The following VARS1 variants were observed in gnomAD, a reference collection of about 807,000 sequenced individuals.
VARS1 encodes the protein valine--tRNA ligase.
In VARS1, 92 loss-of-function variants were observed where a neutral mutation model predicts 161.0. The observed-to-expected ratio is 0.57, with a 90% confidence interval of 0.48 to 0.68. VARS1 has a LOEUF of 0.68. Among genes scored for constraint, VARS1 ranks in the 30% least tolerant of loss-of-function variants. The probability of loss-of-function intolerance (pLI) is 0.00; values close to 1 mark genes in which losing one functional copy is unlikely to be tolerated. For synonymous variants in VARS1, 595 were observed against 682.5 expected (o/e 0.87, Z 2.00); for missense variants, 1,338 against 1,695.9 (o/e 0.79, Z 3.71).
chr6:31,777,976 TTG>T lies in VARS1; in HGVS notation c.3727-316_3727-315del. 2.1e-6 allele frequency: 1 copy of T among 476,692 alleles called. No homozygotes were observed. The highest frequency in any genetic ancestry group is 3.5e-5 in the Admixed American group (1 of 28,536). 29.5% of individuals were successfully genotyped at this position (476,692 alleles called of 1,614,324 possible). A position where few individuals can be genotyped will look rare whatever the true frequency, so the allele number is the denominator to read the frequency against. ...CAGTCTCCCAGGCCGGTCACTTCAT[TTG>T]TCAGATGATGATGATGATATTGCCC... On this transcript the variant is annotated intron_variant, in intron 29 of 29. Coordinates refer to ENST00000375663, the MANE Select transcript of VARS1 (RefSeq NM_006295.3). This position sits in a 1 kb window ranked among gnomAD's most constrained non-coding sequence, Gnocchi z 5.8.
At position 31,778,799 on chromosome 6, in the gene VARS1, G is replaced by T; in HGVS notation, c.3726+168C>A. ...TGGGATTACAGGTGTGAGCCACTGAGCCAGGCTGTTTTGTTTTTTAAGGCT... is the reference window on the plus strand; with the variant it reads ...TGGGATTACAGGTGTGAGCCACTGATCCAGGCTGTTTTGTTTTTTAAGGCT... On this transcript the variant is annotated intron_variant, in intron 29 of 29. Coordinates refer to ENST00000375663, the MANE Select transcript of VARS1 (RefSeq NM_006295.3). The surrounding 1 kb of genome is among the most constrained non-coding windows in gnomAD (Gnocchi z 5.1). 1.1e-6 allele frequency: 1 copy of T among 934,840 alleles called. No individual in the cohort carries two copies. The highest frequency in any genetic ancestry group is 2.7e-5 in the East Asian group (1 of 37,510). 57.9% of individuals were successfully genotyped at this position (934,840 alleles called of 1,614,324 possible).
Position 31,777,962 on chromosome 6 carries a change from G to A in VARS1, c.3727-300C>T. ...TAAGCAGGAGAGCACAGTCTCCCAG[G>A]CCGGTCACTTCATTTGTCAGATGAT... On this transcript the variant is annotated intron_variant, in intron 29 of 29. Transcript: ENST00000375663. The surrounding 1 kb of genome is among the most constrained non-coding windows in gnomAD (Gnocchi z 5.8). 1 of 512,298 alleles carries A rather than the reference G, an allele frequency of 2.0e-6. No individual in the cohort carries two copies. The highest frequency in any genetic ancestry group is 3.5e-6 in the Non-Finnish European group (1 of 285,284). 31.7% of individuals were successfully genotyped at this position (512,298 alleles called of 1,614,324 possible).
rs1399847444 is a variant in VARS1, at chr6:31,779,419, GC to G, written c.3400+5del. 1 of 1,610,614 alleles carries G rather than the reference GC, an allele frequency of 6.2e-7. No individual in the cohort carries two copies. Among genetic ancestry groups the G allele is most frequent in the Non-Finnish European group, 8.5e-7 (1 of 1,179,828 alleles). On this transcript the variant is annotated splice_donor_5th_base_variant and intron_variant, in intron 28 of 29. Coordinates refer to ENST00000375663, the MANE Select transcript of VARS1 (RefSeq NM_006295.3). The surrounding 1 kb of genome is among the most constrained non-coding windows in gnomAD (Gnocchi z 9.1). ...GATGGGGCGGACATGGGGGCCTGAG[GC>G]TCACAGTCAGGCCGGATCCGGGTGA...
rs960326637 is a variant in VARS1 at position 31,785,799 on chromosome 6, G to A, written c.1101-66C>T. ...GTGGGGCCTGGCACCAAAGAAAGCA[G>A]AGGCTTCAGGCAAGGAGTCAGTGGA... On this transcript the variant is annotated intron_variant, in intron 8 of 29. Transcript: ENST00000375663. This position sits in a 1 kb window ranked among gnomAD's most constrained non-coding sequence, Gnocchi z 6.1. 1 of 1,529,656 alleles carries A rather than the reference G, an allele frequency of 6.5e-7. No individual in the cohort carries two copies. The highest frequency in any genetic ancestry group is 1.4e-5 in the African/African-American group (1 of 72,050). 94.8% of individuals were successfully genotyped at this position (1,529,656 alleles called of 1,614,324 possible).
chr6:31,783,088 T>G lies in VARS1; in HGVS notation c.1762+8A>C. ...TTCCTCTCCCCACAGGACCAGCCCC[T>G]TGCCCACCTGTGCCAAAGTCCATGT... On this transcript the variant is annotated splice_region_variant and intron_variant, in intron 14 of 29. Transcript: ENST00000375663. The G allele has an allele frequency of 6.2e-7, 1 of 1,612,104 alleles. No individual in the cohort carries two copies. The highest frequency in any genetic ancestry group is 1.3e-5 in the African/African-American group (1 of 75,030).
intron 2 of VARS1, 58 bp downstream of exon 2, chr6:31,794,773 G>C: frequency 6.0e-6 from 9 of 1,500,952 alleles, no homozygotes; most frequent in Non-Finnish European, 8.0e-6. Context: ...GTCCATTCCA[G>C]TCCTCGCTTC....
chr6:31,793,873 C>T (rs896121064), intron 2 of VARS1, among the ~76,000 whole-genome samples: 3 of 151,958 alleles, frequency 2.0e-5, no homozygotes, highest in African/African-American at 7.2e-5. Flanking sequence ...GAGGCCGAGG[C>T]GAGCAGACCA....
chr6:31,784,247 AG>A lies in VARS1; in HGVS notation c.1637del (p.Ala546ValfsTer2). 1 of 1,614,170 alleles carries A rather than the reference AG, an allele frequency of 6.2e-7. No individual in the cohort carries two copies. The highest frequency in any genetic ancestry group is 8.5e-7 in the Non-Finnish European group (1 of 1,180,042). ...TRIETMLGDV[A>X]VAVHPKDTRY... is the part of the protein sequence containing the mutation. ...TGGTATCTTTGGGGTGCACAGCTAC[AG>A]CCACATCTCCCAGCATTGTCTCGAT... On this transcript the variant is annotated frameshift_variant, in exon 13 of 30. Transcript: ENST00000375663. LOFTEE classifies it high-confidence loss of function. This position sits in a 1 kb window ranked among gnomAD's most constrained non-coding sequence, Gnocchi z 6.1.
In VARS1 at chr6:31,782,058, C is replaced by T. The variant is rs776260072; in HGVS notation, c.2241+29G>A. On this transcript the variant is annotated intron_variant, in intron 18 of 29. Transcript: ENST00000375663. The surrounding 1 kb of genome is among the most constrained non-coding windows in gnomAD (Gnocchi z 8.3). ...AAACCCACCACTCCAGCAGGGTGTC[C>T]CAGCAGCTAGCTCTGGCCCTCTGCT... The T allele has an allele frequency of 1.9e-6, 3 of 1,612,172 alleles. No individual in the cohort carries two copies. Among genetic ancestry groups the T allele is most frequent in the African/African-American group, 2.7e-5 (2 of 74,914 alleles).
At chr6:31,792,333 C>T (rs774308567) in intron 5 of VARS1, 32 bp from the exon 6 acceptor site, 2 of 1,613,966 alleles carry the variant, frequency 1.2e-6, no homozygotes, top group Non-Finnish European at 1.7e-6. Context: ...TAGGCCCAGG[C>T]ATCAGCCAAC....
chr6:31,779,415 T>A lies in VARS1; in HGVS notation c.3400+10A>T. On this transcript the variant is annotated intron_variant, in intron 28 of 29. Coordinates refer to ENST00000375663, the MANE Select transcript of VARS1 (RefSeq NM_006295.3). This position sits in a 1 kb window ranked among gnomAD's most constrained non-coding sequence, Gnocchi z 9.1. ...GTGGGATGGGGCGGACATGGGGGCC[T>A]GAGGCTCACAGTCAGGCCGGATCCG... 2 of 1,610,472 alleles carry A rather than the reference T, an allele frequency of 1.2e-6. No individual in the cohort carries two copies. Among genetic ancestry groups the A allele is most frequent in the South Asian group, 1.1e-5 (1 of 91,066 alleles).
chr6:31,780,390 G>C lies in VARS1; in HGVS notation c.2925+51C>G. ...GCTACATGGAGGCTGCTCCGGACAGGGGTACAGCCTGTGTGAGTGCTGCCA... is the reference window on the plus strand; with the variant it reads ...GCTACATGGAGGCTGCTCCGGACAGCGGTACAGCCTGTGTGAGTGCTGCCA... On this transcript the variant is annotated intron_variant, in intron 25 of 29. Coordinates refer to ENST00000375663, the MANE Select transcript of VARS1 (RefSeq NM_006295.3). This position sits in a 1 kb window ranked among gnomAD's most constrained non-coding sequence, Gnocchi z 5.1. 2 of 1,589,258 alleles carry C rather than the reference G, an allele frequency of 1.3e-6. No individual in the cohort carries two copies. The highest frequency in any genetic ancestry group is 1.7e-6 in the Non-Finnish European group (2 of 1,167,372).
chr6:31,795,057 G>T lies in VARS1; in HGVS notation c.161C>A (p.Pro54Gln). The T allele has an allele frequency of 1.3e-6, 2 of 1,537,392 alleles. No individual in the cohort carries two copies. The highest frequency in any genetic ancestry group is 1.8e-6 in the Non-Finnish European group (2 of 1,137,670). Reference sequence around the variant, plus strand: ...CTGCTCCAGGGCCGGCAGGCGGGGTGGGGGAAAGGGAGTCCTGCTAGTCGG... The same window carrying T: ...CTGCTCCAGGGCCGGCAGGCGGGGTTGGGGAAAGGGAGTCCTGCTAGTCGG... The part of the protein sequence containing the change: ...PPPTSRTPFP[P>Q]PRLPALEQGP... The change falls in exon 2 of 30, where the codon CCA becomes CAA. Residue 54 changes from proline (P) to glutamine (Q), a missense_variant. By Grantham distance (76) the Pro-to-Gln change is moderately conservative. Coordinates refer to ENST00000375663, the MANE Select transcript of VARS1 (RefSeq NM_006295.3). This position sits in a 1 kb window ranked among gnomAD's most constrained non-coding sequence, Gnocchi z 6.9.
Position 31,784,197 on chromosome 6 carries a change from T to C in VARS1, c.1671+17A>G. ...TTTTGGCCAGAACTCCTTCCCTAAC[T>C]GTGGACAGTCCCCCACCTGGTATCT... On this transcript the variant is annotated intron_variant, in intron 13 of 29. Coordinates refer to ENST00000375663, the MANE Select transcript of VARS1 (RefSeq NM_006295.3). The surrounding 1 kb of genome is among the most constrained non-coding windows in gnomAD (Gnocchi z 6.1). 1 of 1,614,026 alleles carries C rather than the reference T, an allele frequency of 6.2e-7. No individual in the cohort carries two copies. The highest frequency in any genetic ancestry group is 8.5e-7 in the Non-Finnish European group (1 of 1,179,942).
At position 31,794,876 on chromosome 6, in the gene VARS1, T is replaced by G; in HGVS notation, c.342A>C (p.Ala114=). The change falls in exon 2 of 30, where the codon GCA becomes GCC. Residue 114 remains alanine (A), a synonymous_variant. Coordinates refer to ENST00000375663, the MANE Select transcript of VARS1 (RefSeq NM_006295.3). ...DTELIPAACG[A]TLPALGLRSS... is the part of the protein sequence containing the mutation. Reference sequence around the variant, plus strand: ...TTCGGAGTCCCAGGGCCGGCAGCGTTGCTCCACAGGCAGCTGGTATTAACT... The same window carrying G: ...TTCGGAGTCCCAGGGCCGGCAGCGTGGCTCCACAGGCAGCTGGTATTAACT... 6.2e-7 allele frequency: 1 copy of G among 1,611,428 alleles called. No homozygotes were observed. The highest frequency in any genetic ancestry group is 8.5e-7 in the Non-Finnish European group (1 of 1,178,948).
rs1490574178 is a variant in VARS1 at position 31,779,980 on chromosome 6, C to T, written c.3081+18G>A. On this transcript the variant is annotated intron_variant, in intron 26 of 29. Transcript: ENST00000375663. This position sits in a 1 kb window ranked among gnomAD's most constrained non-coding sequence, Gnocchi z 9.1. ...CACCTGCCCCCACCATCCCCTGCCC[C>T]GCTGTGCTCCTTCTCACCAAGTAGA... 5.6e-6 allele frequency: 9 copies of T among 1,613,102 alleles called. No individual in the cohort carries two copies. Among genetic ancestry groups the T allele is most frequent in the Middle Eastern group, 1.7e-4 (1 of 6,052 alleles).
chr6:31,790,602 C>CAAAA (rs9279419), intron 8 of VARS1, among the ~76,000 whole-genome samples: 105 of 43,424 alleles, frequency 2.4e-3, no homozygotes, highest in Non-Finnish European at 2.8e-3. Flanking sequence ...AACTCTGTCT[C>CAAAA]AAAAAAAAAA....
At position 31,784,399 on chromosome 6, in the gene VARS1, C is replaced by G; in HGVS notation, c.1571G>C (p.Gly524Ala). ...CTGGTGCCCCTGGCTCCTACCTGAG[C>G]CTTGGACCTTATAGGCAAAGGACAC... ...VLVSFAYKVQGSDSDEEVVVA... is the reference protein window; with the variant it reads ...VLVSFAYKVQASDSDEEVVVA... The change falls in exon 12 of 30, where the codon GGC (glycine) becomes GCC (alanine). Residue 524 changes from glycine (G) to alanine (A), a missense_variant. By Grantham distance (60) the Gly-to-Ala change is moderately conservative. Around this residue, in one of 3 missense-constraint regions of VARS1, gnomAD observed 902 missense variants for 1,090.3 expected, o/e 0.83. Coordinates refer to ENST00000375663, the MANE Select transcript of VARS1 (RefSeq NM_006295.3). The surrounding 1 kb of genome is among the most constrained non-coding windows in gnomAD (Gnocchi z 6.1). The G allele has an allele frequency of 6.2e-7, 1 of 1,614,146 alleles. No homozygotes were observed. The highest frequency in any genetic ancestry group is 8.5e-7 in the Non-Finnish European group (1 of 1,180,044).
At position 31,779,887 on chromosome 6, in the gene VARS1, G is replaced by A. The variant is rs1581632730; in HGVS notation, c.3082-73C>T. Reference sequence around the variant, plus strand: ...GCCCTCGCTGTGCCTGTGAGGACTGGGAAGGGGATGGGTTGGCTTAGGTCT... The same window carrying A: ...GCCCTCGCTGTGCCTGTGAGGACTGAGAAGGGGATGGGTTGGCTTAGGTCT... On this transcript the variant is annotated intron_variant, in intron 26 of 29. Coordinates refer to ENST00000375663, the MANE Select transcript of VARS1 (RefSeq NM_006295.3). This position sits in a 1 kb window ranked among gnomAD's most constrained non-coding sequence, Gnocchi z 9.1. 6.2e-7 allele frequency: 1 copy of A among 1,603,306 alleles called. No individual in the cohort carries two copies. The highest frequency in any genetic ancestry group is 8.5e-7 in the Non-Finnish European group (1 of 1,173,944).
Sources: allele counts gnomAD v4.1 joint callset (sites outside exome capture counted in the v4.1 genomes callset), GRCh38; gene constraint gnomAD v4.1.1; regional missense constraint gnomAD v4.1.1; non-coding constraint Gnocchi (gnomAD v3.1); transcripts MANE v1.5; gene names NCBI Gene and HGNC (gene_info 2026-07-23, HGNC 2026-07-21).